SPATA6: variants seen among roughly 807,000 people sequenced by gnomAD.
SPATA6 encodes the protein spermatogenesis-associated protein 6.
A neutral mutation model predicts 65.3 loss-of-function variants in SPATA6; 56 were observed. The ratio of observed to expected loss-of-function variants is 0.86; its 90% CI spans 0.69 to 1.07. The LOEUF (loss-of-function observed/expected upper bound fraction) is 1.07. Ranked by LOEUF, SPATA6 falls within the 50% of genes least tolerant of loss-of-function variation. The pLI, the probability that SPATA6 is intolerant of heterozygous loss-of-function variation, is 0.00. For missense variants in SPATA6, 590 were observed against 594.8 expected (o/e 0.99, Z 0.08); for synonymous variants, 199 against 213.2 (o/e 0.93, Z 0.58).
chr1:48,425,792 T>A (rs1282939579), intron 3 of SPATA6, among the ~76,000 whole-genome samples: 1 of 152,106 alleles, frequency 6.6e-6, no homozygotes, highest in Non-Finnish European at 1.5e-5. Flanking sequence ...CCCTACTTTA[T>A]ACTATATATA....
the SPATA6 span, among the ~76,000 whole-genome samples, chr1:48,289,610 T>G: frequency 6.6e-6 from 1 of 152,208 alleles, no homozygotes; most frequent in Admixed American, 6.5e-5. Flanking sequence ...GAAAAAAGAT[T>G]AGATGAATGG....
chr1:48,406,791 A>C (rs184629825), intron 5 of SPATA6, among the ~76,000 whole-genome samples: 1 of 152,306 alleles, frequency 6.6e-6, no homozygotes, highest in African/African-American at 2.4e-5. Context: ...TAATCTACCC[A>C]AAAACCCTAT....
chr1:48,310,709 C>T (rs985969469), intron 11 of SPATA6, among the ~76,000 whole-genome samples: 5 of 152,116 alleles, frequency 3.3e-5, no homozygotes, highest in African/African-American at 1.2e-4. Flanking sequence ...AAATGGAAGA[C>T]CTAAACAACA....
At chr1:48,304,247 T>C (rs1329554023) in intron 12 of SPATA6, among the ~76,000 whole-genome samples, 2 of 152,184 alleles carry the variant, frequency 1.3e-5, no homozygotes, top group African/African-American at 2.4e-5. Flanking sequence ...GATTCAAGTA[T>C]ATATATAAGA....
the SPATA6 span, among the ~76,000 whole-genome samples, chr1:48,284,781 C>A: frequency 6.6e-6 from 1 of 152,160 alleles, no homozygotes; most frequent in Non-Finnish European, 1.5e-5. Context: ...GCAAAGATTG[C>A]TCCCTGTTCC....
rs1646453629 is a variant in SPATA6 at position 48,349,316 on chromosome 1, G to C, written c.1194+6354C>G. On this transcript the variant is annotated intron_variant, in intron 11 of 12. Coordinates refer to ENST00000371847, the MANE Select transcript of SPATA6 (RefSeq NM_019073.4). ...CATCTTACAGTCTACAGAAAAAGTT[G>C]GCTGACCACTGAACTAGAATATAGT... Among the ~76,000 whole-genome samples the C allele has an allele frequency of 2.0e-5, 3 of 151,834 alleles. No individual in the cohort carries two copies. In the South Asian group the frequency reaches 6.2e-4, roughly 31 times the overall value.
At chr1:48,294,714 G>A (rs1330008131), downstream of SPATA6, among the ~76,000 whole-genome samples, 1 of 152,140 alleles carries the variant, frequency 6.6e-6, no homozygotes, top group Non-Finnish European at 1.5e-5. Flanking sequence ...ATTCTCAAAA[G>A]TCCTTTCAAT....
chr1:48,332,351 C>A (rs187089074), intron 11 of SPATA6, among the ~76,000 whole-genome samples: 1 of 152,118 alleles, frequency 6.6e-6, no homozygotes, highest in Non-Finnish European at 1.5e-5. Context: ...ATCTCACATG[C>A]AATGTCATCA....
intron 3 of SPATA6, chr1:48,436,358 G>A (rs2148079968): frequency 6.2e-7 from 1 of 1,612,160 alleles, no homozygotes; most frequent in South Asian, 1.1e-5. Context: ...GTTGGCAGCT[G>A]GCTTTGGGTT....
intron 1 of SPATA6, among the ~76,000 whole-genome samples, chr1:48,466,283 T>C (rs1657801674): frequency 6.6e-6 from 1 of 152,052 alleles, no homozygotes. Context: ...ATGAAGGAAA[T>C]GAACTAGACC....
chr1:48,303,823 T>C (rs1644995890), intron 12 of SPATA6, among the ~76,000 whole-genome samples: 3 of 152,198 alleles, frequency 2.0e-5, no homozygotes, highest in Admixed American at 2.0e-4. Context: ...TATATGCTTT[T>C]GGTCAATTCC....
chr1:48,289,047 C>T, the SPATA6 span, among the ~76,000 whole-genome samples: 1 of 152,056 alleles, frequency 6.6e-6, no homozygotes, highest in African/African-American at 2.4e-5. Context: ...AGACTGCCAC[C>T]TCAAGTGGGT....
chr1:48,436,705 G>A, intron 3 of SPATA6: 1 of 1,614,224 alleles, frequency 6.2e-7, no homozygotes, highest in Non-Finnish European at 8.5e-7. Flanking sequence ...TGGGTATAAT[G>A]TGAAGTCAGA....
chr1:48,325,329 C>A (rs1053778868), intron 11 of SPATA6: 2 of 1,280,438 alleles, frequency 1.6e-6, no homozygotes, highest in Non-Finnish European at 2.2e-6. Context: ...AGGGCACAGG[C>A]CCCCGTAGAG....
At chr1:48,291,357 G>C (rs1480947030), downstream of SPATA6, among the ~76,000 whole-genome samples, 2 of 152,136 alleles carry the variant, frequency 1.3e-5, no homozygotes. Flanking sequence ...TCAGGTGTGG[G>C]CAGGGTTAGG....
At chr1:48,318,753 TG>T (rs1289912975) in intron 11 of SPATA6, among the ~76,000 whole-genome samples, 2 of 152,144 alleles carry the variant, frequency 1.3e-5, no homozygotes, top group Non-Finnish European at 2.9e-5. Context: ...ACAGTTTTCT[TG>T]CAAAAATTGA....
the SPATA6 span, among the ~76,000 whole-genome samples, chr1:48,274,740 T>G: frequency 6.6e-6 from 1 of 152,208 alleles, no homozygotes; most frequent in Admixed American, 6.5e-5. Flanking sequence ...TTCATTACTG[T>G]AGCCTTGTAG....
intron 8 of SPATA6, among the ~76,000 whole-genome samples, chr1:48,385,685 T>C (rs1649390460): frequency 6.6e-6 from 1 of 152,184 alleles, no homozygotes; most frequent in Non-Finnish European, 1.5e-5. Flanking sequence ...ACATAATTTG[T>C]ATTCACAGAT....
intron 3 of SPATA6, among the ~76,000 whole-genome samples, chr1:48,438,316 TGC>T: frequency 6.6e-6 from 1 of 152,294 alleles, no homozygotes; most frequent in African/African-American, 2.4e-5. Context: ...GGACCCCTTT[TGC>T]TTACTATTCT....
Sources: allele counts gnomAD v4.1 joint callset (sites outside exome capture counted in the v4.1 genomes callset), GRCh38; gene constraint gnomAD v4.1.1; transcripts MANE v1.5; gene names NCBI Gene and HGNC (gene_info 2026-07-23, HGNC 2026-07-21).